The following SAXO1 variants were observed in gnomAD, a reference collection of about 807,000 sequenced individuals.
SAXO1 encodes the protein 4930500O09Rik.
In SAXO1, 21 loss-of-function variants were observed where a neutral mutation model predicts 17.5. The observed-to-expected ratio is 1.20, with a 90% CI of 0.85 to 1.72. The LOEUF (loss-of-function observed/expected upper bound fraction) is 1.72, where lower values mean the gene tolerates loss of function less well. SAXO1 is among the 40% of genes most tolerant of loss of function. The pLI is 0.00. For missense variants in SAXO1, 843 were observed against 596.0 expected, an observed-to-expected ratio of 1.41 and a Z score of -4.32; for synonymous variants, 274 against 216.5, an observed-to-expected ratio of 1.27 and a Z score of -2.33.
At chr9:19,022,976 T>C (rs1479380987) in intron 1 of SAXO1, among the ~76,000 whole-genome samples, 6 of 152,138 alleles carry the variant, frequency 3.9e-5, no homozygotes, top group Non-Finnish European at 8.8e-5. Context: ...ACCTTAGTGT[T>C]TGTTAATGTC....
intron 1 of SAXO1, among the ~76,000 whole-genome samples, chr9:18,970,363 T>C (rs7858792): frequency 6.6e-6 from 1 of 151,902 alleles, no homozygotes; most frequent in East Asian, 1.9e-4. Context: ...TAACAATCAA[T>C]TGCTGTGCTT....
chr9:19,019,693 G>T (rs1835143516), intron 1 of SAXO1, among the ~76,000 whole-genome samples: 1 of 152,054 alleles, frequency 6.6e-6, no homozygotes, highest in Non-Finnish European at 1.5e-5. Flanking sequence ...CGGCACCACT[G>T]CACCCCAGCC....
At chr9:18,969,535 G>A (rs766656258) in intron 1 of SAXO1, among the ~76,000 whole-genome samples, 6 of 152,138 alleles carry the variant, frequency 3.9e-5, no homozygotes, top group Admixed American at 6.5e-5. Context: ...CCAAGACTGG[G>A]TTGCTTGCAC....
At chr9:19,045,435 C>T (rs936462368) in intron 1 of SAXO1, among the ~76,000 whole-genome samples, 1 of 114,960 alleles carries the variant, frequency 8.7e-6, no homozygotes, top group Admixed American at 7.9e-5. Flanking sequence ...GTTTTTATTC[C>T]CTGCAAAGAT....
intron 1 of SAXO1, among the ~76,000 whole-genome samples, chr9:19,046,444 C>T (rs1836217507): frequency 6.6e-6 from 1 of 152,128 alleles, no homozygotes; most frequent in Non-Finnish European, 1.5e-5. Flanking sequence ...GCCTGTAATC[C>T]CAGCACTTTG....
rs745614839 is a variant in SAXO1 at position 18,941,785 on chromosome 9, C to G, written c.273G>C (p.Gln91His). ...VAPVKVHQYD[Q>H]FVPSEENMDL... Reference sequence around the variant, plus strand: ...CCATATTCTCTTCACTCGGGACGAACTGGTCATACTGGTGGACCTTCACTG... The same window carrying G: ...CCATATTCTCTTCACTCGGGACGAAGTGGTCATACTGGTGGACCTTCACTG... Residue 91 changes from glutamine (Q) to histidine (H), a missense_variant, in exon 3 of 4, where the codon CAG becomes CAC. By Grantham distance (24) the Gln-to-His change is conservative (BLOSUM62 0). Coordinates refer to ENST00000380534, the MANE Select transcript of SAXO1 (RefSeq NM_153707.4). The G allele has an allele frequency of 6.2e-7, 1 of 1,614,226 alleles. No homozygotes were observed. The highest frequency in any genetic ancestry group is 8.5e-7 in the Non-Finnish European group (1 of 1,180,040).
chr9:18,992,237 A>G (rs1833842893), intron 1 of SAXO1, among the ~76,000 whole-genome samples: 1 of 152,210 alleles, frequency 6.6e-6, no homozygotes, highest in Non-Finnish European at 1.5e-5. Flanking sequence ...TCTAGGGGCT[A>G]GAAGTCAAAA....
intron 1 of SAXO1, among the ~76,000 whole-genome samples, chr9:19,010,623 G>A (rs11788459): frequency 0.073 from 11,097 of 152,072 alleles, 501 homozygotes; most frequent in African/African-American, 0.12. Flanking sequence ...CTCTTTACTT[G>A]TTTATATAGA....
chr9:19,027,773 C>G (rs1835561620), intron 1 of SAXO1: 1 of 1,506,892 alleles, frequency 6.6e-7, no homozygotes, highest in Non-Finnish European at 9.1e-7. Context: ...GCTGGAGCTT[C>G]TGAACCAGCT....
intron 1 of SAXO1, among the ~76,000 whole-genome samples, chr9:19,012,794 A>G (rs1056360788): frequency 6.6e-6 from 1 of 152,202 alleles, no homozygotes; most frequent in African/African-American, 2.4e-5. Flanking sequence ...GATCTGTCTC[A>G]TTCTAAATAA....
At chr9:18,946,806 A>G (rs1471487078) in intron 2 of SAXO1, among the ~76,000 whole-genome samples, 1 of 152,194 alleles carries the variant, frequency 6.6e-6, no homozygotes, top group Non-Finnish European at 1.5e-5. Flanking sequence ...AATAAATAGA[A>G]ACTATATAAA....
At chr9:18,951,597 A>C (rs930252948) in intron 1 of SAXO1, among the ~76,000 whole-genome samples, 2 of 151,738 alleles carry the variant, frequency 1.3e-5, no homozygotes, top group African/African-American at 2.4e-5. Flanking sequence ...CCCAGGATCC[A>C]CCTCGCCGTC....
chr9:19,007,799 C>T (rs979553520), intron 1 of SAXO1, among the ~76,000 whole-genome samples: 34 of 152,220 alleles, frequency 2.2e-4, no homozygotes, highest in South Asian at 1.7e-3. Context: ...TTTCACGACA[C>T]GTGAAAATTG....
At chr9:19,032,587 G>T (rs1351637294) in intron 1 of SAXO1, among the ~76,000 whole-genome samples, 1 of 152,166 alleles carries the variant, frequency 6.6e-6, no homozygotes, top group African/African-American at 2.4e-5. Flanking sequence ...ACACTTTCTG[G>T]GCTTCAGGGA....
chr9:18,981,148 A>G (rs1330991855), intron 1 of SAXO1, among the ~76,000 whole-genome samples: 1 of 152,228 alleles, frequency 6.6e-6, no homozygotes, highest in African/African-American at 2.4e-5. Flanking sequence ...CTTTAACAGT[A>G]GTGCTTCTCC....
intron 1 of SAXO1, among the ~76,000 whole-genome samples, chr9:18,970,618 T>C (rs1289243894): frequency 6.6e-6 from 1 of 151,832 alleles, no homozygotes; most frequent in Admixed American, 6.6e-5. Flanking sequence ...AGCCCTAGAG[T>C]TGTGCTTTGA....
rs775750490 is a variant in SAXO1, at chr9:19,032,900, C to G, written c.9G>C (p.Thr3=). MK[T]KCICELCSCG... is the part of the protein sequence containing the mutation. ...AGGAGCACAGTTCACAGATGCACTT[C>G]GTCTTCATAGGGGCGATCCTGAGGC... The change falls in exon 1 of 4, where the codon ACG becomes ACC. Residue 3 remains threonine (T), a synonymous_variant. Coordinates refer to ENST00000380534, the MANE Select transcript of SAXO1 (RefSeq NM_153707.4). The G allele has an allele frequency of 1.9e-6, 3 of 1,610,356 alleles. No homozygotes were observed. Among genetic ancestry groups the G allele is most frequent in the East Asian group, 2.2e-5 (1 of 44,870 alleles).
At chr9:18,944,016 G>A (rs565018706) in intron 2 of SAXO1, among the ~76,000 whole-genome samples, 42 of 152,196 alleles carry the variant, frequency 2.8e-4, no homozygotes, top group Non-Finnish European at 5.7e-4. Flanking sequence ...CATCTCCCAC[G>A]GCTTCTACCG....
At chr9:19,045,010 C>CTT (rs1836173172) in intron 1 of SAXO1, among the ~76,000 whole-genome samples, 1 of 151,858 alleles carries the variant, frequency 6.6e-6, no homozygotes, top group Admixed American at 6.6e-5. Flanking sequence ...TTGAAGAGCT[C>CTT]TTTAAGATGC....
Sources: gnomAD v4.1 joint callset for allele counts (sites outside exome capture counted in the v4.1 genomes callset) on GRCh38, gnomAD v4.1.1 for gene constraint, MANE v1.5 for transcripts, NCBI Gene and HGNC (gene_info 2026-07-23, HGNC 2026-07-21) for gene names.